The following TSPAN18 variants were observed in gnomAD, a reference collection of about 807,000 sequenced individuals.
TSPAN18 encodes tetraspanin-18.
In TSPAN18, 14 loss-of-function variants were observed where a neutral mutation model predicts 27.3. The ratio of observed to expected loss-of-function variants is 0.51; its 90% CI spans 0.34 to 0.80. The LOEUF is 0.80. Ranked by LOEUF, TSPAN18 falls within the 30% of genes least tolerant of loss-of-function variation. The pLI is 0.01. For missense variants in TSPAN18, 268 were observed against 323.9 expected, an observed-to-expected ratio of 0.83 and a Z score of 1.32; for synonymous variants, 143 against 136.5, an observed-to-expected ratio of 1.05 and a Z score of -0.33.
chr11:44,872,055 CTGGGATTA>C (rs1172761273), intron 3 of TSPAN18, among the ~76,000 whole-genome samples: 1 of 152,098 alleles, frequency 6.6e-6, no homozygotes, highest in Non-Finnish European at 1.5e-5. Context: ...TCCCGAGTAG[CTGGGATTA>C]CAGGCACCCA....
At chr11:44,887,575 A>G (rs1050667560) in intron 3 of TSPAN18, among the ~76,000 whole-genome samples, 5 of 152,190 alleles carry the variant, frequency 3.3e-5, no homozygotes, top group Non-Finnish European at 1.5e-5. Context: ...TTAGGAGGTA[A>G]AAGTAAGTTT....
chr11:44,919,068 G>T, intron 6 of TSPAN18, 146 bp from the exon 7 acceptor site: 1 of 662,566 alleles, frequency 1.5e-6, no homozygotes, highest in East Asian at 2.7e-5. Context: ...TGGTGGTTTA[G>T]GAGAATCCCA....
chr11:44,827,633 T>C (rs1857071478), intron 2 of TSPAN18, among the ~76,000 whole-genome samples: 1 of 152,198 alleles, frequency 6.6e-6, no homozygotes, highest in Non-Finnish European at 1.5e-5. Flanking sequence ...AGGTTAAAAT[T>C]ATCCCCCTTT....
At chr11:44,842,838 G>A (rs1857399640) in intron 2 of TSPAN18, among the ~76,000 whole-genome samples, 1 of 152,148 alleles carries the variant, frequency 6.6e-6, no homozygotes, top group South Asian at 2.1e-4. Flanking sequence ...CCATCATCCA[G>A]ATTAAAGTAT....
At chr11:44,861,610 A>G (rs542459508) in intron 3 of TSPAN18, among the ~76,000 whole-genome samples, 1 of 151,866 alleles carries the variant, frequency 6.6e-6, no homozygotes, top group Admixed American at 6.6e-5. Flanking sequence ...AGGAGAAAGG[A>G]ATGCTGGGCA....
intron 2 of TSPAN18, among the ~76,000 whole-genome samples, chr11:44,774,011 C>G (rs1046285635): frequency 5.3e-5 from 8 of 152,154 alleles, no homozygotes; most frequent in African/African-American, 1.7e-4. Flanking sequence ...GCCCCTCTCT[C>G]TCCTTCCCTT....
rs1000175516 is a variant in TSPAN18, at chr11:44,874,012, G to A, written c.-11+13543G>A. On this transcript the variant is annotated intron_variant, in intron 3 of 9. Transcript: ENST00000520358. ...TGTCCCCACCTTGGACCCAGCACCC[G>A]CAGCCTGGGAATGGCCCTACATCTG... Among the ~76,000 whole-genome samples, 43 of 152,122 alleles carry A rather than the reference G, an allele frequency of 2.8e-4. 1 individual carries two copies. The highest frequency in any genetic ancestry group is 9.4e-4 in the African/African-American group (39 of 41,422).
At chr11:44,926,783 G>C in intron 9 of TSPAN18, 26 bp downstream of exon 9, 1 of 1,608,882 alleles carries the variant, frequency 6.2e-7, no homozygotes, top group Non-Finnish European at 8.5e-7. Flanking sequence ...CACTTCTGCC[G>C]CTCCCCAGGA....
chr11:44,862,820 A>C (rs1170454873), intron 3 of TSPAN18, among the ~76,000 whole-genome samples: 2 of 152,206 alleles, frequency 1.3e-5, no homozygotes, highest in Non-Finnish European at 2.9e-5. Context: ...ATGCAGCAGA[A>C]ATAGCAGAAT....
At chr11:44,878,273 T>C (rs1858393664) in intron 3 of TSPAN18, among the ~76,000 whole-genome samples, 1 of 152,060 alleles carries the variant, frequency 6.6e-6, no homozygotes, top group Non-Finnish European at 1.5e-5. Flanking sequence ...AAGAACGCTC[T>C]CCTCTTCCCG....
intron 3 of TSPAN18, among the ~76,000 whole-genome samples, chr11:44,905,672 G>A (rs534553750): frequency 2.0e-5 from 3 of 152,230 alleles, no homozygotes; most frequent in Non-Finnish European, 2.9e-5. Flanking sequence ...GGCAAGCAGC[G>A]GATGCTCAAT....
intron 3 of TSPAN18, among the ~76,000 whole-genome samples, chr11:44,867,072 A>G (rs754328507): frequency 3.9e-5 from 6 of 152,218 alleles, no homozygotes; most frequent in Non-Finnish European, 7.3e-5. Context: ...ACCAACCTCA[A>G]GTTGCTCAGG....
chr11:44,750,744 G>T (rs982945030), intron 1 of TSPAN18, among the ~76,000 whole-genome samples: 2 of 152,232 alleles, frequency 1.3e-5, no homozygotes, highest in South Asian at 4.1e-4. Context: ...TATGCCAGCT[G>T]CATGTGAAAC....
chr11:44,834,594 G>A (rs527512469), intron 2 of TSPAN18, among the ~76,000 whole-genome samples: 1 of 152,270 alleles, frequency 6.6e-6, no homozygotes, highest in African/African-American at 2.4e-5. Context: ...CTAGGGAGTT[G>A]GGGAAGTCAT....
chr11:44,754,665 G>A (rs1855290774), intron 1 of TSPAN18, among the ~76,000 whole-genome samples: 1 of 152,252 alleles, frequency 6.6e-6, no homozygotes, highest in Non-Finnish European at 1.5e-5. Context: ...CTCTAATGCA[G>A]GCTGGAGTTA....
At chr11:44,807,527 CAAAAAAA>C (rs59241339) in intron 2 of TSPAN18, among the ~76,000 whole-genome samples, 21 of 64,472 alleles carry the variant, frequency 3.3e-4, no homozygotes, top group African/African-American at 4.5e-4. Context: ...AACTCCATCT[CAAAAAAA>C]AAAAAAAAAA....
At chr11:44,795,561 C>G (rs1327431398) in intron 2 of TSPAN18, among the ~76,000 whole-genome samples, 1 of 152,120 alleles carries the variant, frequency 6.6e-6, no homozygotes, top group Non-Finnish European at 1.5e-5. Flanking sequence ...CGGTGGCCAG[C>G]CTGACACACA....
At chr11:44,906,060 T>TA (rs1242796028) in intron 3 of TSPAN18, among the ~76,000 whole-genome samples, 2 of 152,212 alleles carry the variant, frequency 1.3e-5, no homozygotes, top group Non-Finnish European at 2.9e-5. Context: ...GCTGAGCACT[T>TA]ACCACGTGCC....
intron 2 of TSPAN18, among the ~76,000 whole-genome samples, chr11:44,764,813 G>A (rs1855529934): frequency 1.3e-5 from 2 of 152,158 alleles, no homozygotes; most frequent in South Asian, 2.1e-4. Flanking sequence ...GCAGGGTCAT[G>A]AGGGCTCATG....
Sources: gnomAD v4.1 joint callset for allele counts (sites outside exome capture counted in the v4.1 genomes callset) on GRCh38, gnomAD v4.1.1 for gene constraint, MANE v1.5 for transcripts, NCBI Gene and HGNC (gene_info 2026-07-23, HGNC 2026-07-21) for gene names.